Variants in KIF6 observed in about 807,000 individuals in gnomAD.
KIF6 encodes the protein kinesin-like protein KIF6.
KIF6 carries 106 observed loss-of-function variants against 112.7 expected under a neutral mutation model. That is an observed-to-expected ratio of 0.94 (90% CI 0.80 to 1.11). The LOEUF is 1.11. Ranked by LOEUF, KIF6 falls within the 50% of genes least tolerant of loss-of-function variation. The pLI is 0.00. For missense variants in KIF6, 929 were observed against 964.0 expected (o/e 0.96, Z 0.48); for synonymous variants, 339 against 339.9 (o/e 1.00, Z 0.03).
At chr6:39,484,429 T>TG (rs1774993384) in intron 13 of KIF6, among the ~76,000 whole-genome samples, 2 of 152,064 alleles carry the variant, frequency 1.3e-5, no homozygotes, top group Admixed American at 1.3e-4. Context: ...GTGCTAGGAA[T>TG]GCAGGGCCAG....
chr6:39,371,193 C>T (rs1765953519), intron 16 of KIF6, among the ~76,000 whole-genome samples: 1 of 152,172 alleles, frequency 6.6e-6, no homozygotes, highest in African/African-American at 2.4e-5. Context: ...CAGCACGCCT[C>T]TGAGCTCCTC....
Position 39,331,519 on chromosome 6 carries a change from G to A in KIF6, c.*5013C>T, listed in dbSNP as rs1335234124. 1 of 152,122 alleles carries A rather than the reference G, an allele frequency of 6.6e-6. No homozygotes were observed. Among genetic ancestry groups the A allele is most frequent in the Non-Finnish European group, 1.5e-5 (1 of 68,080 alleles). The allele number at this position is 152,122 out of a possible 1,614,324, so 9.4% of individuals were successfully genotyped here. ...CCTGCCTCAGCCTCCAGAGTAGCTG[G>A]GATTACAGGTGCGCACCACCACACC... On this transcript the variant is annotated 3_prime_UTR_variant, in exon 23 of 23. Transcript: ENST00000287152.
At chr6:39,521,617 A>G (rs1266088173) in intron 13 of KIF6, among the ~76,000 whole-genome samples, 2 of 152,116 alleles carry the variant, frequency 1.3e-5, no homozygotes, top group Non-Finnish European at 2.9e-5. Flanking sequence ...CTGGAGAAAG[A>G]TAATTTCCAA....
At chr6:39,509,744 T>C (rs1776652752) in intron 13 of KIF6, among the ~76,000 whole-genome samples, 1 of 152,150 alleles carries the variant, frequency 6.6e-6, no homozygotes, top group African/African-American at 2.4e-5. Flanking sequence ...AAAGACCACA[T>C]CTACATTTGA....
chr6:39,399,546 T>C (rs1768531777), intron 15 of KIF6, among the ~76,000 whole-genome samples: 1 of 152,198 alleles, frequency 6.6e-6, no homozygotes, highest in Non-Finnish European at 1.5e-5. Context: ...ATGACATGCT[T>C]GTGTCATTGA....
chr6:39,556,725 C>T (rs932891627), intron 10 of KIF6, among the ~76,000 whole-genome samples: 1 of 152,106 alleles, frequency 6.6e-6, no homozygotes, highest in East Asian at 1.9e-4. Flanking sequence ...CTAGAGCACA[C>T]CTTTGAGAAA....
rs113053813 is a variant in KIF6 at position 39,505,448 on chromosome 6, T to G, written c.1645+34555A>C. ...TTCAGGACATAGGCATTGGTAAAGA[T>G]TTCATGATGAACACTCCTAAAGCAA... is the stretch of plus-strand genomic sequence containing the variant. On this transcript the variant is annotated intron_variant, in intron 13 of 22. Transcript: ENST00000287152. Among the ~76,000 whole-genome samples, 299 of 152,214 alleles carry G rather than the reference T, an allele frequency of 2.0e-3. 1 individual carries two copies. The highest frequency in any genetic ancestry group is 7.0e-3 in the African/African-American group (290 of 41,542).
intron 13 of KIF6, among the ~76,000 whole-genome samples, chr6:39,500,799 T>C (rs982974762): frequency 1.3e-5 from 2 of 151,960 alleles, no homozygotes; most frequent in African/African-American, 2.4e-5. Context: ...GAGCCAGAAG[T>C]AGAGAGGTGG....
chr6:39,577,982 A>G (rs528979352), intron 10 of KIF6, 74 bp downstream of exon 10: 2 of 1,014,108 alleles, frequency 2.0e-6, no homozygotes, highest in African/African-American at 1.6e-5. Flanking sequence ...TGAATTCATA[A>G]CATTAGGGCC....
intron 13 of KIF6, among the ~76,000 whole-genome samples, chr6:39,469,480 CAG>C (rs1463185167): frequency 1.3e-5 from 2 of 151,890 alleles, no homozygotes; most frequent in Non-Finnish European, 2.9e-5. Flanking sequence ...ATCATGAAAA[CAG>C]TAACCATAAG....
At chr6:39,365,825 G>A (rs1021360372) in intron 16 of KIF6, among the ~76,000 whole-genome samples, 3 of 152,324 alleles carry the variant, frequency 2.0e-5, no homozygotes, top group Middle Eastern at 3.4e-3. Flanking sequence ...TGCTGGAGGC[G>A]GGCGGAGGAA....
At chr6:39,573,048 T>C (rs1277631434) in intron 10 of KIF6, among the ~76,000 whole-genome samples, 1 of 151,150 alleles carries the variant, frequency 6.6e-6, no homozygotes, top group Non-Finnish European at 1.5e-5. Context: ...TCTGATATTC[T>C]TCAGAGAATG....
At chr6:39,425,272 T>G (rs756885628) in intron 14 of KIF6, among the ~76,000 whole-genome samples, 2 of 152,224 alleles carry the variant, frequency 1.3e-5, no homozygotes, top group African/African-American at 4.8e-5. Context: ...CTAGAACAAC[T>G]AACTTAATAT....
intron 13 of KIF6, among the ~76,000 whole-genome samples, chr6:39,535,366 A>T (rs1277362137): frequency 6.6e-6 from 1 of 152,138 alleles, no homozygotes; most frequent in East Asian, 1.9e-4. Flanking sequence ...GGATGGAGGA[A>T]GATCTACCAA....
chr6:39,633,660 G>A (rs919092830), intron 5 of KIF6, among the ~76,000 whole-genome samples: 3 of 152,172 alleles, frequency 2.0e-5, no homozygotes, highest in Non-Finnish European at 4.4e-5. Flanking sequence ...TCCACCCTGT[G>A]TCCTCCACAT....
rs1261507126 is a variant in KIF6, at chr6:39,489,609, C to T, written c.1645+50394G>A. Among the ~76,000 whole-genome samples the T allele has an allele frequency of 3.9e-5, 6 of 152,024 alleles. No homozygotes were observed. The East Asian group carries it at 1.2e-3, about 29-fold the overall frequency. ...AACAGCAGCCATATTTCAGTGCCTC[C>T]AAGTAGCAACAGTCTTCAGGATGGA... On this transcript the variant is annotated intron_variant, in intron 13 of 22. Coordinates refer to ENST00000287152, the MANE Select transcript of KIF6 (RefSeq NM_145027.6).
At chr6:39,568,769 T>G (rs1780470057) in intron 10 of KIF6, among the ~76,000 whole-genome samples, 1 of 152,272 alleles carries the variant, frequency 6.6e-6, no homozygotes, top group South Asian at 2.1e-4. Context: ...CAGGCTGGTC[T>G]TGGACTCCTG....
chr6:39,631,726 T>G (rs1784363406), intron 5 of KIF6, among the ~76,000 whole-genome samples: 1 of 133,614 alleles, frequency 7.5e-6, no homozygotes, highest in African/African-American at 4.1e-5. Context: ...TGTTTTTTTG[T>G]TTTTTTTGTA....
At chr6:39,568,380 G>A (rs1004711382) in intron 10 of KIF6, among the ~76,000 whole-genome samples, 11 of 152,068 alleles carry the variant, frequency 7.2e-5, no homozygotes, top group East Asian at 1.9e-4. Flanking sequence ...TGCAGGGAAC[G>A]GGGTCTTAGC....
Sources: gnomAD v4.1 joint callset for allele counts (sites outside exome capture counted in the v4.1 genomes callset) on GRCh38, gnomAD v4.1.1 for gene constraint, MANE v1.5 for transcripts, NCBI Gene and HGNC (gene_info 2026-07-23, HGNC 2026-07-21) for gene names.